Variants in WDR19 observed in about 807,000 individuals in gnomAD.
WDR19 encodes WD repeat-containing protein 19.
In WDR19, 121 loss-of-function variants were observed where a neutral mutation model predicts 180.0. The ratio of observed to expected loss-of-function variants is 0.67; its 90% CI spans 0.58 to 0.78. The LOEUF (loss-of-function observed/expected upper bound fraction) is 0.78, where lower values mean the gene tolerates loss of function less well. Ranked by LOEUF, WDR19 falls within the 30% of genes least tolerant of loss-of-function variation. The pLI is 0.00. For synonymous variants in WDR19, 497 were observed against 540.7 expected (o/e 0.92, Z 1.12); for missense variants, 1,450 against 1,640.7 (o/e 0.88, Z 2.01).
chr4:39,227,275 G>A (rs569128072), intron 15 of WDR19, among the ~76,000 whole-genome samples: 1 of 152,202 alleles, frequency 6.6e-6, no homozygotes, highest in South Asian at 2.1e-4. Context: ...TTGAGAGTAG[G>A]ATGAGGCAGA....
intron 5 of WDR19, among the ~76,000 whole-genome samples, chr4:39,198,202 A>G (rs888526545): frequency 3.3e-5 from 5 of 152,306 alleles, no homozygotes; most frequent in Non-Finnish European, 5.9e-5. Context: ...TGTCAAAGGT[A>G]TACCACACCA....
chr4:39,214,457 A>G (rs907275227), intron 9 of WDR19, 144 bp from the exon 10 acceptor site: 3 of 516,732 alleles, frequency 5.8e-6, no homozygotes, highest in Admixed American at 7.7e-5. Context: ...AGAAATTCTA[A>G]TATTTTCTTA....
chr4:39,276,467 A>C (rs956577389), intron 33 of WDR19, among the ~76,000 whole-genome samples: 1 of 152,310 alleles, frequency 6.6e-6, no homozygotes, highest in Admixed American at 6.5e-5. Context: ...ATGTGGTCCA[A>C]TATGGTACCT....
At chr4:39,253,667 T>C (rs1733472475) in intron 25 of WDR19, among the ~76,000 whole-genome samples, 1 of 151,592 alleles carries the variant, frequency 6.6e-6, no homozygotes, top group African/African-American at 2.4e-5. Context: ...TAGTTCCAGC[T>C]ACTTGGGAGG....
At chr4:39,277,752 A>G (rs1736041719) in intron 34 of WDR19, among the ~76,000 whole-genome samples, 1 of 152,162 alleles carries the variant, frequency 6.6e-6, no homozygotes, top group Non-Finnish European at 1.5e-5. Context: ...CTGGAATTCA[A>G]TTATTATAAT....
chr4:39,194,236 TAA>T (rs932621145), intron 4 of WDR19, among the ~76,000 whole-genome samples: 1 of 152,226 alleles, frequency 6.6e-6, no homozygotes, highest in African/African-American at 2.4e-5. Flanking sequence ...CATTTAGAGC[TAA>T]AACTATCATT....
intron 9 of WDR19, among the ~76,000 whole-genome samples, chr4:39,212,028 G>A (rs1321105243): frequency 1.3e-5 from 2 of 150,486 alleles, no homozygotes; most frequent in African/African-American, 4.9e-5. Context: ...ATAGCCAACA[G>A]CAATCTTAAA....
rs781525188 is a variant in WDR19, at chr4:39,214,636, T to C, written c.926T>C (p.Met309Thr). The C allele has an allele frequency of 1.3e-6, 2 of 1,586,194 alleles. No individual in the cohort carries two copies. The highest frequency in any genetic ancestry group is 1.7e-6 in the Non-Finnish European group (2 of 1,163,738). The change falls in exon 10 of 37, where the codon ATG becomes ACG. Residue 309 changes from methionine to threonine, a missense_variant. By Grantham distance (81) the Met-to-Thr change is moderately conservative. Coordinates refer to ENST00000399820, the MANE Select transcript of WDR19 (RefSeq NM_025132.4). The part of the protein sequence containing the change: ...KIQDLVDLKD[M>T]YVILNLDEEN... ...CAAGACTTGGTTGACTTAAAAGACA[T>C]GTATGTTATACTCAACCTGGATGAG...
chr4:39,272,624 T>TTC (rs994753071), intron 31 of WDR19, among the ~76,000 whole-genome samples: 2 of 152,074 alleles, frequency 1.3e-5, no homozygotes, highest in African/African-American at 4.8e-5. Context: ...TAGCAGATCA[T>TTC]TCTCTCTCTC....
intron 1 of WDR19, among the ~76,000 whole-genome samples, chr4:39,183,799 G>A (rs1026940687): frequency 6.6e-6 from 1 of 152,138 alleles, no homozygotes; most frequent in Non-Finnish European, 1.5e-5. Flanking sequence ...TTTAAGTCTT[G>A]GTTTTTTGGT....
chr4:39,209,370 T>A (rs1196087239), intron 9 of WDR19, among the ~76,000 whole-genome samples: 1 of 152,128 alleles, frequency 6.6e-6, no homozygotes, highest in African/African-American at 2.4e-5. Context: ...ACTAAATGTT[T>A]ACATTAGGGG....
At chr4:39,214,961 TGG>T (rs1728914652) in intron 10 of WDR19, among the ~76,000 whole-genome samples, 3 of 151,980 alleles carry the variant, frequency 2.0e-5, no homozygotes, top group Non-Finnish European at 2.9e-5. Flanking sequence ...TTAGTAGAGA[TGG>T]GGTTTCACCA....
At chr4:39,223,098 G>T (rs1729866329) in intron 14 of WDR19, among the ~76,000 whole-genome samples, 1 of 152,080 alleles carries the variant, frequency 6.6e-6, no homozygotes, top group Non-Finnish European at 1.5e-5. Flanking sequence ...TACTTAGTTT[G>T]TTTAACATTT....
At chr4:39,284,331 A>ATTTTTTTTTTTTTTTTTTTTTTTTTT (rs143848496) in intron 36 of WDR19, among the ~76,000 whole-genome samples, 2 of 91,530 alleles carry the variant, frequency 2.2e-5, no homozygotes, top group African/African-American at 4.5e-5. Flanking sequence ...AGTAAAAAAA[A>ATTTTTTTTTTTTTTTTTTTTTTTTTT]TTTTTTTTTT....
intron 28 of WDR19, among the ~76,000 whole-genome samples, chr4:39,263,698 G>A (rs1560552330): frequency 6.6e-6 from 1 of 152,190 alleles, no homozygotes; most frequent in East Asian, 1.9e-4. Flanking sequence ...GCTGAGGTGG[G>A]CGGATCACCT....
At chr4:39,273,346 A>C in intron 32 of WDR19, 1 of 405,096 alleles carries the variant, frequency 2.5e-6, no homozygotes, top group Non-Finnish European at 4.4e-6. Flanking sequence ...GAGCAGGTGC[A>C]GGCACGGACC....
At chr4:39,276,691 G>A (rs997749024) in intron 33 of WDR19, among the ~76,000 whole-genome samples, 3 of 152,076 alleles carry the variant, frequency 2.0e-5, no homozygotes, top group Non-Finnish European at 2.9e-5. Context: ...AGAGACAGAG[G>A]GAAAATACCA....
At chr4:39,218,326 A>C in intron 14 of WDR19, 2 of 611,634 alleles carry the variant, frequency 3.3e-6, no homozygotes. Flanking sequence ...TGGATGTCAT[A>C]GAGTGTGCTT....
chr4:39,258,280 G>A (rs12501320), intron 28 of WDR19, among the ~76,000 whole-genome samples: 69,545 of 151,828 alleles, frequency 0.46, 18,619 homozygotes, highest in East Asian at 0.62. Context: ...AGCCTCCCAA[G>A]TAGCTGGGAT....
Sources: allele counts gnomAD v4.1 joint callset (sites outside exome capture counted in the v4.1 genomes callset), GRCh38; gene constraint gnomAD v4.1.1; transcripts MANE v1.5; gene names NCBI Gene and HGNC (gene_info 2026-07-23, HGNC 2026-07-21).